Variants in GALNTL6 observed in about 807,000 individuals in gnomAD.
The protein encoded by GALNTL6 is polypeptide N-acetylgalactosaminyltransferase-like 6.
A neutral mutation model predicts 73.7 loss-of-function variants in GALNTL6; 46 were observed. That is an observed-to-expected ratio of 0.62 (90% CI 0.49 to 0.80). GALNTL6 has a LOEUF of 0.80. GALNTL6 is among the 30% of genes least tolerant of loss of function. The probability of loss-of-function intolerance (pLI) is 0.00; values close to 1 mark genes in which losing one functional copy is unlikely to be tolerated. For synonymous variants in GALNTL6, 259 were observed against 263.7 expected (o/e 0.98, Z 0.17); for missense variants, 604 against 755.0 (o/e 0.80, Z 2.34).
intron 5 of GALNTL6, among the ~76,000 whole-genome samples, chr4:172,536,542 T>C (rs972922701): frequency 2.0e-5 from 3 of 152,308 alleles, no homozygotes; most frequent in South Asian, 2.1e-4. Flanking sequence ...GCAAAGAGAA[T>C]AGCAGCATTT....
chr4:172,140,675 A>ACT (rs1733777494), intron 2 of GALNTL6, among the ~76,000 whole-genome samples: 1 of 152,006 alleles, frequency 6.6e-6, no homozygotes, highest in Non-Finnish European at 1.5e-5. Context: ...AGTCTCACTA[A>ACT]CTCTAAATCT....
At chr4:172,919,958 AAC>A (rs1371917013) in intron 8 of GALNTL6, among the ~76,000 whole-genome samples, 3 of 152,314 alleles carry the variant, frequency 2.0e-5, no homozygotes, top group Admixed American at 6.5e-5. Flanking sequence ...TGTAGAAATG[AAC>A]ACTTTCTTAA....
intron 5 of GALNTL6, among the ~76,000 whole-genome samples, chr4:172,601,175 C>G (rs1304422061): frequency 6.6e-6 from 1 of 152,066 alleles, no homozygotes; most frequent in East Asian, 1.9e-4. Flanking sequence ...TAAAAACTCA[C>G]TAGATGAACC....
intron 5 of GALNTL6, among the ~76,000 whole-genome samples, chr4:172,661,609 A>G (rs559511281): frequency 2.6e-5 from 4 of 152,330 alleles, no homozygotes; most frequent in Non-Finnish European, 5.9e-5. Flanking sequence ...CAAACCCAAA[A>G]GAAGCAATTG....
At chr4:172,173,541 C>T (rs867973275) in intron 2 of GALNTL6, among the ~76,000 whole-genome samples, 3 of 152,180 alleles carry the variant, frequency 2.0e-5, no homozygotes, top group African/African-American at 4.8e-5. Context: ...ACATAAGAGA[C>T]ATCTGAGCTT....
At chr4:172,866,218 T>G (rs1744654452) in intron 7 of GALNTL6, among the ~76,000 whole-genome samples, 1 of 152,184 alleles carries the variant, frequency 6.6e-6, no homozygotes, top group South Asian at 2.1e-4. Flanking sequence ...AATCTGATTA[T>G]GCCATTTCCA....
At chr4:172,078,987 G>T (rs1731795387) in intron 2 of GALNTL6, among the ~76,000 whole-genome samples, 1 of 151,878 alleles carries the variant, frequency 6.6e-6, no homozygotes, top group South Asian at 2.1e-4. Flanking sequence ...TATTATTGCT[G>T]GTTTTGAGAG....
chr4:172,950,615 A>T (rs1749397528), intron 9 of GALNTL6, among the ~76,000 whole-genome samples: 1 of 152,230 alleles, frequency 6.6e-6, no homozygotes, highest in Admixed American at 6.5e-5. Flanking sequence ...GTACAGTCTC[A>T]TTAGGAATGA....
chr4:172,396,954 T>C (rs187086934), intron 5 of GALNTL6, among the ~76,000 whole-genome samples: 25 of 152,322 alleles, frequency 1.6e-4, no homozygotes, highest in African/African-American at 5.8e-4. Context: ...TAATCTGTCC[T>C]TGAAATTTAT....
intron 8 of GALNTL6, among the ~76,000 whole-genome samples, chr4:172,919,223 C>T (rs926335402): frequency 3.9e-5 from 6 of 152,022 alleles, no homozygotes; most frequent in African/African-American, 1.4e-4. Flanking sequence ...GGAGGAAGCT[C>T]GTGGAAACGG....
intron 5 of GALNTL6, among the ~76,000 whole-genome samples, chr4:172,355,270 A>G (rs973861684): frequency 2.6e-5 from 4 of 152,080 alleles, no homozygotes; most frequent in Admixed American, 2.6e-4. Flanking sequence ...TTACAAAGAT[A>G]TATTTGCTGA....
intron 3 of GALNTL6, among the ~76,000 whole-genome samples, chr4:172,264,573 T>TATTTGGCATAATATATGCCAA (rs1738378083): frequency 8.6e-6 from 1 of 116,784 alleles, no homozygotes; most frequent in African/African-American, 3.7e-5. Flanking sequence ...TATATATATA[T>TATTTGGCATAATATATGCCAA]ATATATATAT....
chr4:172,996,189 C>T (rs1751771204), intron 10 of GALNTL6, among the ~76,000 whole-genome samples: 1 of 151,758 alleles, frequency 6.6e-6, no homozygotes, highest in South Asian at 2.1e-4. Flanking sequence ...CACACACACA[C>T]CATGGAATAC....
At chr4:172,831,033 C>T (rs1327962250) in intron 7 of GALNTL6, among the ~76,000 whole-genome samples, 1 of 139,258 alleles carries the variant, frequency 7.2e-6, no homozygotes, top group Non-Finnish European at 1.5e-5. Flanking sequence ...GTGGCACATG[C>T]TTGTAATCTC....
At chr4:172,518,372 A>G (rs902237542) in intron 5 of GALNTL6, among the ~76,000 whole-genome samples, 4 of 151,916 alleles carry the variant, frequency 2.6e-5, no homozygotes, top group Non-Finnish European at 5.9e-5. Context: ...ATTCTTAAGT[A>G]TATTGTTTTT....
At chr4:172,381,769 T>C (rs1377062809) in intron 5 of GALNTL6, among the ~76,000 whole-genome samples, 2 of 152,192 alleles carry the variant, frequency 1.3e-5, no homozygotes, top group Non-Finnish European at 2.9e-5. Flanking sequence ...AAGACAGATA[T>C]GTTTATTCCA....
intron 2 of GALNTL6, among the ~76,000 whole-genome samples, chr4:171,921,834 G>A (rs1737797933): frequency 1.3e-5 from 2 of 151,822 alleles, no homozygotes. Flanking sequence ...AAGTCCTGCT[G>A]GTTTATCTTA....
chr4:172,186,226 C>G (rs1735411599), intron 2 of GALNTL6, among the ~76,000 whole-genome samples: 1 of 152,032 alleles, frequency 6.6e-6, no homozygotes, highest in Non-Finnish European at 1.5e-5. Context: ...AAATATGAGT[C>G]AAAATCATGA....
At chr4:172,241,487 T>A (rs1218086671) in intron 3 of GALNTL6, among the ~76,000 whole-genome samples, 4 of 152,234 alleles carry the variant, frequency 2.6e-5, no homozygotes. Flanking sequence ...TAAACCTAAC[T>A]GTAAAGATTA....
Sources: gnomAD v4.1 joint callset for allele counts (sites outside exome capture counted in the v4.1 genomes callset) on GRCh38, gnomAD v4.1.1 for gene constraint, MANE v1.5 for transcripts, NCBI Gene and HGNC (gene_info 2026-07-23, HGNC 2026-07-21) for gene names.